FOXK2: variants seen among roughly 807,000 people sequenced by gnomAD.
FOXK2 encodes the protein forkhead box K2.
FOXK2 carries 24 observed loss-of-function variants against 53.3 expected under a neutral mutation model. That is an observed-to-expected ratio of 0.45 (90% confidence interval 0.33 to 0.63). The LOEUF (loss-of-function observed/expected upper bound fraction) is 0.63, where lower values mean the gene tolerates loss of function less well. Ranked by LOEUF, FOXK2 falls within the 30% of genes least tolerant of loss-of-function variation. The pLI, the probability that FOXK2 is intolerant of heterozygous loss-of-function variation, is 0.03. For synonymous variants in FOXK2, 505 were observed against 407.1 expected, an observed-to-expected ratio of 1.24 and a Z score of -2.89; for missense variants, 952 against 910.5, an observed-to-expected ratio of 1.05 and a Z score of -0.59.
At chr17:82,567,890 A>C (rs1478809344) in intron 2 of FOXK2, among the ~76,000 whole-genome samples, 164 bp from the exon 3 acceptor site, 1 of 149,884 alleles carries the variant, frequency 6.7e-6, no homozygotes, top group African/African-American at 2.5e-5. Flanking sequence ...ATTTATAAGA[A>C]TCTGTGTTTC....
chr17:82,569,691 G>A (rs2044892112), intron 3 of FOXK2, among the ~76,000 whole-genome samples: 1 of 152,158 alleles, frequency 6.6e-6, no homozygotes, highest in African/African-American at 2.4e-5. Flanking sequence ...GCACAGTGAC[G>A]AAGGCTTTGT....
intron 1 of FOXK2, among the ~76,000 whole-genome samples, chr17:82,561,508 T>G (rs2044793071): frequency 6.7e-6 from 1 of 150,230 alleles, no homozygotes; most frequent in South Asian, 2.1e-4. Flanking sequence ...TGGAAAGGAG[T>G]GCTGCAAAGT....
At chr17:82,555,649 C>G (rs2044716173) in intron 1 of FOXK2, among the ~76,000 whole-genome samples, 1 of 151,178 alleles carries the variant, frequency 6.6e-6, no homozygotes, top group African/African-American at 2.4e-5. Context: ...CTTTGGGAGG[C>G]TGAGGCGGGC....
rs1033407747 is a variant in FOXK2, at chr17:82,593,158, G to A, written c.1786+5886G>A. Among the ~76,000 whole-genome samples the A allele has an allele frequency of 6.0e-5, 9 of 151,184 alleles. No individual in the cohort carries two copies. The East Asian group carries it at 1.8e-3, about 30-fold the overall frequency. Reference sequence around the variant, plus strand: ...GAAGGTCTCCCTGCACCGGGCACAGGCTCTTATTCTGAAAGCAGACCCAGT... The same window carrying A: ...GAAGGTCTCCCTGCACCGGGCACAGACTCTTATTCTGAAAGCAGACCCAGT... On this transcript the variant is annotated intron_variant, in intron 8 of 8. Coordinates refer to ENST00000335255, the MANE Select transcript of FOXK2 (RefSeq NM_004514.4).
chr17:82,584,215 G>T, intron 6 of FOXK2, 27 bp downstream of exon 6: 1 of 1,558,248 alleles, frequency 6.4e-7, no homozygotes. Flanking sequence ...GGAAGCGAGG[G>T]CCCCAACAGC....
At chr17:82,544,198 C>CAGAGA (rs2044601154) in intron 1 of FOXK2, among the ~76,000 whole-genome samples, 2 of 152,200 alleles carry the variant, frequency 1.3e-5, no homozygotes, top group East Asian at 1.9e-4. Flanking sequence ...TAGGCGTGAG[C>CAGAGA]CACTGCGCCC....
intron 7 of FOXK2, among the ~76,000 whole-genome samples, 181 bp downstream of exon 7, chr17:82,586,381 ACAGGGAG>A: frequency 7.6e-6 from 1 of 130,926 alleles, no homozygotes; most frequent in Non-Finnish European, 1.5e-5. Context: ...AGGGGAGACC[ACAGGGAG>A]GTGAAAGGTG....
At chr17:82,556,565 GC>G (rs2044727176) in intron 1 of FOXK2, among the ~76,000 whole-genome samples, 1 of 101,538 alleles carries the variant, frequency 9.8e-6, no homozygotes, top group Non-Finnish European at 2.5e-5. Context: ...CCTTGCTGGG[GC>G]TGGGGCTGGG....
chr17:82,558,187 A>C (rs548720678), intron 1 of FOXK2, among the ~76,000 whole-genome samples: 22 of 152,236 alleles, frequency 1.4e-4, no homozygotes, highest in Admixed American at 1.1e-3. Context: ...GATAATAATA[A>C]AAATTAGCTG....
Position 82,584,161 on chromosome 17 carries a change from G to T in FOXK2, c.1252G>T (p.Glu418Ter). The T allele has an allele frequency of 6.2e-7, 1 of 1,608,108 alleles. No individual in the cohort carries two copies. ...AAQPKLAVIQEARFAQSAPGS... is the reference protein window; with the variant it reads ...AAQPKLAVIQ Reference sequence around the variant, plus strand: ...ACAGCCCAAACTCGCTGTCATCCAGGAAGCCCGGTTTGCCCAGAGCGCCCC... The same window carrying T: ...ACAGCCCAAACTCGCTGTCATCCAGTAAGCCCGGTTTGCCCAGAGCGCCCC... Residue 418 changes from glutamate to a stop codon, truncating the protein, a stop_gained, in exon 6 of 9, where the codon GAA (glutamate) becomes TAA (stop). Coordinates refer to ENST00000335255, the MANE Select transcript of FOXK2 (RefSeq NM_004514.4). LOFTEE classifies it high-confidence loss of function.
intron 1 of FOXK2, among the ~76,000 whole-genome samples, chr17:82,538,611 A>G (rs1289422999): frequency 6.6e-6 from 1 of 152,242 alleles, no homozygotes; most frequent in East Asian, 1.9e-4. Flanking sequence ...CAGGAGCCGC[A>G]TGGGGTTTTT....
intron 4 of FOXK2, among the ~76,000 whole-genome samples, chr17:82,573,536 A>ACT (rs373747209): frequency 0.028 from 3,923 of 138,786 alleles, 128 homozygotes; most frequent in African/African-American, 0.08. Context: ...ACACACACAC[A>ACT]CTCTCTCTCT....
chr17:82,586,029 C>G lies in FOXK2; in HGVS notation c.1405C>G (p.Gln469Glu). 13 of 1,612,826 alleles carry G rather than the reference C, an allele frequency of 8.1e-6. No individual in the cohort carries two copies. Among genetic ancestry groups the G allele is most frequent in the Non-Finnish European group, 1.1e-5 (13 of 1,179,996 alleles). Reference protein sequence around the residue: ...TTSTSQPPVVQTVHVVHQIPA... With the variant: ...TTSTSQPPVVETVHVVHQIPA... ...CTCGACCTCCCAGCCACCCGTCGTG[C>G]AGACGGTTCACGTCGTCCACCAGAT... The change falls in exon 7 of 9, where the codon CAG (glutamine) becomes GAG (glutamate). Residue 469 changes from glutamine (Q) to glutamate (E), a missense_variant. Coordinates refer to ENST00000335255, the MANE Select transcript of FOXK2 (RefSeq NM_004514.4).
At chr17:82,563,768 T>C (rs1057141055) in intron 2 of FOXK2, among the ~76,000 whole-genome samples, 1 of 150,894 alleles carries the variant, frequency 6.6e-6, no homozygotes, top group Non-Finnish European at 1.5e-5. Context: ...TTTTTTTTTT[T>C]TGAGAAGGAG....
intron 2 of FOXK2, among the ~76,000 whole-genome samples, chr17:82,567,613 C>T (rs926764765): frequency 6.6e-6 from 1 of 152,166 alleles, no homozygotes; most frequent in Admixed American, 6.5e-5. Context: ...CTGGCAGACC[C>T]CTCCCCTCCC....
Position 82,585,316 on chromosome 17 carries a change from C to CT in FOXK2, c.1280-575dup, listed in dbSNP as rs35793389. 6.8e-3 allele frequency: 1,006 copies of CT among 147,518 alleles called. 12 individuals are homozygous for CT. The highest frequency in any genetic ancestry group is 0.019 in the East Asian group (97 of 5,084). The allele number at this position is 147,518 out of a possible 1,614,324, so 9.1% of individuals were successfully genotyped here. The stretch of plus-strand genomic sequence containing the variant: ...TTCTGGCCTACAGGGGCAGTTTCTT[C>CT]TTTTTTTTTTTTTGTTCGTTTGTCT... On this transcript the variant is annotated intron_variant, in intron 6 of 8. Coordinates refer to ENST00000335255, the MANE Select transcript of FOXK2 (RefSeq NM_004514.4).
At chr17:82,560,716 G>C (rs181943806) in intron 1 of FOXK2, among the ~76,000 whole-genome samples, 2 of 152,314 alleles carry the variant, frequency 1.3e-5, no homozygotes, top group African/African-American at 4.8e-5. Flanking sequence ...TTATAGACGA[G>C]ATCAGGCATG....
intron 8 of FOXK2, 101 bp from the exon 9 acceptor site, chr17:82,601,202 G>A (rs540482209): frequency 1.3e-5 from 16 of 1,253,480 alleles, no homozygotes; most frequent in Admixed American, 2.2e-5. Flanking sequence ...ACATGAGAGC[G>A]TGGGGTTCTG....
chr17:82,531,945 G>C (rs2044475762), intron 1 of FOXK2, among the ~76,000 whole-genome samples: 1 of 151,776 alleles, frequency 6.6e-6, no homozygotes, highest in Non-Finnish European at 1.5e-5. Flanking sequence ...GGTTCAAGCA[G>C]TTCTCCTGCC....
Sources: allele counts gnomAD v4.1 joint callset (sites outside exome capture counted in the v4.1 genomes callset), GRCh38; gene constraint gnomAD v4.1.1; transcripts MANE v1.5; gene names NCBI Gene and HGNC (gene_info 2026-07-23, HGNC 2026-07-21).